The following TCF4 variants were observed in gnomAD, a reference collection of about 807,000 sequenced individuals.
The protein encoded by TCF4 is SL3-3 enhancer factor 2.
In TCF4, 3 loss-of-function variants were observed where a neutral mutation model predicts 82.1. The observed-to-expected ratio is 0.04, with a 90% confidence interval of 0.02 to 0.09. The LOEUF is 0.09. Among genes scored for constraint, TCF4 ranks in the 10% least tolerant of loss-of-function variants. The pLI is 1.00. For synonymous variants in TCF4, 276 were observed against 309.6 expected (o/e 0.89, Z 1.14); for missense variants, 518 against 852.7 (o/e 0.61, Z 4.89).
chr18:55,269,646 G>A (rs1016261037), intron 11 of TCF4, 185 bp downstream of exon 11: 3 of 802,086 alleles, frequency 3.7e-6, no homozygotes, highest in Non-Finnish European at 3.9e-6. Context: ...GTCTTGTGAC[G>A]AAAAATATGG....
chr18:55,429,510 C>A (rs990053439), intron 5 of TCF4, among the ~76,000 whole-genome samples: 18 of 152,188 alleles, frequency 1.2e-4, no homozygotes, highest in African/African-American at 4.1e-4. Context: ...CGCCTGTAAT[C>A]CCAGCACTTT....
At chr18:55,525,458 A>G (rs975940772) in intron 3 of TCF4, among the ~76,000 whole-genome samples, 3 of 152,152 alleles carry the variant, frequency 2.0e-5, no homozygotes, top group Non-Finnish European at 4.4e-5. Context: ...TTCGAGGGCC[A>G]TATTTGTGGT....
chr18:55,440,724 T>A (rs1357321194), intron 5 of TCF4, among the ~76,000 whole-genome samples: 1 of 152,228 alleles, frequency 6.6e-6, no homozygotes, highest in Non-Finnish European at 1.5e-5. Flanking sequence ...CTTCCTGTAA[T>A]CATGCCAGTC....
chr18:55,306,680 G>A, intron 8 of TCF4, among the ~76,000 whole-genome samples: 1 of 152,124 alleles, frequency 6.6e-6, no homozygotes, highest in East Asian at 1.9e-4. Flanking sequence ...GTTTTCAAGG[G>A]TATTTGTTAC....
Position 55,234,693 on chromosome 18 carries a change from C to G in TCF4, c.1351-10G>C. On this transcript the variant is annotated splice_polypyrimidine_tract_variant and intron_variant, in intron 15 of 19. Coordinates refer to ENST00000354452, the MANE Select transcript of TCF4 (RefSeq NM_001083962.2). ...CACGATGGGTCCCCACCTGAAAGGG[C>G]GAGAGGAACCAGAGAGGTGAGCAGG... 1 of 1,614,026 alleles carries G rather than the reference C, an allele frequency of 6.2e-7. No individual in the cohort carries two copies. Among genetic ancestry groups the G allele is most frequent in the Non-Finnish European group, 8.5e-7 (1 of 1,179,994 alleles).
intron 5 of TCF4, among the ~76,000 whole-genome samples, chr18:55,420,586 G>C (rs892995555): frequency 1.3e-5 from 2 of 152,182 alleles, no homozygotes; most frequent in Non-Finnish European, 2.9e-5. Context: ...ACCATGCTAG[G>C]CATTACTTGG....
chr18:55,340,112 A>G (rs887264603), intron 8 of TCF4, among the ~76,000 whole-genome samples: 3 of 152,214 alleles, frequency 2.0e-5, no homozygotes, highest in African/African-American at 7.2e-5. Flanking sequence ...TCACTTGGGC[A>G]GACCCGTTCC....
intron 3 of TCF4, among the ~76,000 whole-genome samples, chr18:55,484,339 CT>C (rs1228616468): frequency 1.3e-5 from 2 of 152,136 alleles, no homozygotes; most frequent in East Asian, 1.9e-4. Flanking sequence ...TTTTCATAGA[CT>C]TTTTTCCTCT....
chr18:55,461,136 T>C (rs780834535), intron 4 of TCF4, 21 bp from the exon 5 acceptor site: 2 of 1,582,070 alleles, frequency 1.3e-6, no homozygotes, highest in South Asian at 2.2e-5. Flanking sequence ...AATGACAGTG[T>C]AAGTTATTAT....
At chr18:55,384,635 C>G (rs2092413058) in intron 6 of TCF4, among the ~76,000 whole-genome samples, 1 of 152,172 alleles carries the variant, frequency 6.6e-6, no homozygotes, top group Non-Finnish European at 1.5e-5. Flanking sequence ...ATGCTGTTAA[C>G]AAAAATACTA....
chr18:55,470,166 T>G (rs924240809), intron 3 of TCF4, among the ~76,000 whole-genome samples: 1 of 152,194 alleles, frequency 6.6e-6, no homozygotes, highest in South Asian at 2.1e-4. Context: ...AGTAAATGAA[T>G]TAACTAACAT....
At chr18:55,259,601 T>G (rs2057600828) in intron 13 of TCF4, 1 of 243,182 alleles carries the variant, frequency 4.1e-6, no homozygotes, top group Non-Finnish European at 8.0e-6. Context: ...ATATTCATAT[T>G]CATGACTATA....
At chr18:55,584,896 A>G (rs1048779034) in intron 3 of TCF4, among the ~76,000 whole-genome samples, 3 of 152,150 alleles carry the variant, frequency 2.0e-5, no homozygotes, top group Admixed American at 1.3e-4. Context: ...AATAAATGAT[A>G]TTATTTACAA....
intron 8 of TCF4, among the ~76,000 whole-genome samples, chr18:55,297,998 G>A (rs914427225): frequency 6.6e-6 from 1 of 152,258 alleles, no homozygotes; most frequent in South Asian, 2.1e-4. Context: ...TTAGAAGACT[G>A]AATCAGATTT....
chr18:55,239,325 G>T (rs1455477307), intron 15 of TCF4, among the ~76,000 whole-genome samples: 1 of 152,150 alleles, frequency 6.6e-6, no homozygotes, highest in Non-Finnish European at 1.5e-5. Flanking sequence ...ATTTTACAAA[G>T]AAAGCTAAGG....
chr18:55,425,959 T>G (rs999296577), intron 5 of TCF4, among the ~76,000 whole-genome samples: 4 of 152,160 alleles, frequency 2.6e-5, no homozygotes, highest in Non-Finnish European at 5.9e-5. Flanking sequence ...AGTGCTCTAC[T>G]TTATTCTTGG....
At chr18:55,237,286 C>T (rs1384548375) in intron 15 of TCF4, among the ~76,000 whole-genome samples, 1 of 151,968 alleles carries the variant, frequency 6.6e-6, no homozygotes, top group Non-Finnish European at 1.5e-5. Context: ...AAATCTTTCC[C>T]CTATACAATG....
intron 5 of TCF4, among the ~76,000 whole-genome samples, chr18:55,413,005 C>T (rs969322979): frequency 6.6e-6 from 1 of 152,064 alleles, no homozygotes; most frequent in Non-Finnish European, 1.5e-5. Context: ...TATTTTAGCA[C>T]CATGGTACAC....
chr18:55,437,942 T>G (rs2095362939), intron 5 of TCF4, among the ~76,000 whole-genome samples: 2 of 152,320 alleles, frequency 1.3e-5, no homozygotes, highest in Admixed American at 1.3e-4. Context: ...GGCTCACGCC[T>G]CTAATCCCAG....
Sources: gnomAD v4.1 joint callset for allele counts (sites outside exome capture counted in the v4.1 genomes callset) on GRCh38, gnomAD v4.1.1 for gene constraint, MANE v1.5 for transcripts, NCBI Gene and HGNC (gene_info 2026-07-23, HGNC 2026-07-21) for gene names.